The following BCCIP variants were observed in gnomAD, a reference collection of about 807,000 sequenced individuals.
BCCIP encodes BRCA2 and CDKN1A interacting protein, also known as BRCA2 and CDKN1A-interacting protein.
In BCCIP, 23 loss-of-function variants were observed where a neutral mutation model predicts 32.8. The ratio of observed to expected loss-of-function variants is 0.70; its 90% CI spans 0.51 to 0.99. BCCIP has a LOEUF of 0.99. Ranked by LOEUF, BCCIP falls within the 50% of genes least tolerant of loss-of-function variation. The pLI, the probability that BCCIP is intolerant of heterozygous loss-of-function variation, is 0.00. For missense variants in BCCIP, 378 were observed against 379.8 expected, an observed-to-expected ratio of 1.00 and a Z score of 0.04; for synonymous variants, 144 against 137.6, an observed-to-expected ratio of 1.05 and a Z score of -0.33.
chr10:125,826,568 A>C (rs1854392995), intron 1 of BCCIP, 23 bp from the exon 2 acceptor site: 2 of 1,612,368 alleles, frequency 1.2e-6, no homozygotes, highest in African/African-American at 2.7e-5. Context: ...TCTGGTAACA[A>C]CTATTTTGTG....
chr10:125,830,695 A>G, intron 4 of BCCIP, 44 bp downstream of exon 4: 1 of 1,206,762 alleles, frequency 8.3e-7, no homozygotes, highest in Non-Finnish European at 1.2e-6. Context: ...TTCTTAGGCC[A>G]AAACCACTTT....
At chr10:125,838,080 G>C (rs2134020717), downstream of BCCIP, 1 of 867,506 alleles carries the variant, frequency 1.2e-6, no homozygotes, top group South Asian at 2.0e-5. Flanking sequence ...AGTAGGTACT[G>C]TCAACGTAAA....
exon 8 of BCCIP, chr10:125,853,162 G>C: frequency 2.5e-6 from 4 of 1,612,826 alleles, no homozygotes; most frequent in African/African-American, 1.3e-5. Flanking sequence ...TGGTTTCTCT[G>C]AAGGCTGGAC....
At chr10:125,853,042 C>T in intron 7 of BCCIP, 1 of 1,027,124 alleles carries the variant, frequency 9.7e-7, no homozygotes, top group Admixed American at 2.3e-5. Flanking sequence ...GGTGGTCTCA[C>T]CTTTACAACA....
chr10:125,825,248 A>G (rs545443171), intron 1 of BCCIP, among the ~76,000 whole-genome samples: 17 of 152,362 alleles, frequency 1.1e-4, no homozygotes, highest in Middle Eastern at 3.4e-3. Context: ...GCCCATACCC[A>G]GGAAAAGGGT....
At chr10:125,847,837 GCATGTGCAGTT>G (rs989530801) in intron 7 of BCCIP, among the ~76,000 whole-genome samples, 1 of 152,060 alleles carries the variant, frequency 6.6e-6, no homozygotes, top group Non-Finnish European at 1.5e-5. Flanking sequence ...TAGATCCCTG[GCATGTGCAGTT>G]CATAATAGGG....
chr10:125,841,002 A>G (rs775306115), downstream of BCCIP: 9 of 1,592,146 alleles, frequency 5.7e-6, no homozygotes, highest in African/African-American at 1.4e-5. Flanking sequence ...TGGAGCTTCA[A>G]AATGAAAAAG....
chr10:125,853,425 A>T, exon 8 of BCCIP: 2 of 337,534 alleles, frequency 5.9e-6, no homozygotes, highest in Non-Finnish European at 1.1e-5. Flanking sequence ...CTAATTTTTA[A>T]TTTAAAAGTA....
exon 7 of BCCIP, chr10:125,842,239 C>T (rs1233591791): frequency 1.5e-5 from 5 of 325,310 alleles, no homozygotes; most frequent in Non-Finnish European, 2.8e-5. Flanking sequence ...GCCAGGGATC[C>T]AGGGAGACTA....
At chr10:125,832,114 A>G (rs1429744851) in intron 5 of BCCIP, among the ~76,000 whole-genome samples, 1 of 152,240 alleles carries the variant, frequency 6.6e-6, no homozygotes, top group Non-Finnish European at 1.5e-5. Flanking sequence ...AAATCTAGCA[A>G]ACTGAGTGTA....
intron 6 of BCCIP, among the ~76,000 whole-genome samples, chr10:125,835,151 A>G (rs1296802435): frequency 6.6e-6 from 1 of 151,750 alleles, no homozygotes; most frequent in Non-Finnish European, 1.5e-5. Flanking sequence ...AAAAATCTTG[A>G]AGTGTATCTC....
At chr10:125,849,247 G>A (rs765797241) in intron 7 of BCCIP, among the ~76,000 whole-genome samples, 4 of 152,128 alleles carry the variant, frequency 2.6e-5, no homozygotes, top group African/African-American at 4.8e-5. Context: ...CCATCTTTCC[G>A]CCTGCACTGT....
At position 125,836,508 on chromosome 10, in the gene BCCIP, T is replaced by C. The variant is rs923666207; in HGVS notation, c.*234T>C. ...GAAGAAGAAAAGCATGGAGTAGTAA[T>C]TTAAAGAACTCAATAAAAACTTCTA... On this transcript the variant is annotated 3_prime_UTR_variant, in exon 7 of 7. Transcript: ENST00000278100. The C allele has an allele frequency of 1.5e-5, 21 of 1,357,534 alleles. No individual in the cohort carries two copies. The highest frequency in any genetic ancestry group is 1.9e-5 in the Non-Finnish European group (20 of 1,042,180). The allele number at this position is 1,357,534 out of a possible 1,614,324, so 84.1% of individuals were successfully genotyped here. A position where few individuals can be genotyped will look rare whatever the true frequency, so the allele number is the denominator to read the frequency against.
At chr10:125,839,262 G>T, downstream of BCCIP, 1 of 1,493,300 alleles carries the variant, frequency 6.7e-7, no homozygotes, top group Non-Finnish European at 9.1e-7. Context: ...CCAGGCAGTT[G>T]CCATCTTTAA....
downstream of BCCIP, chr10:125,840,981 GA>G: frequency 1.2e-6 from 2 of 1,600,378 alleles, no homozygotes; most frequent in Non-Finnish European, 1.7e-6. Flanking sequence ...TGGCACATGT[GA>G]AAAGCAATTT....
chr10:125,825,997 G>C (rs187927472), intron 1 of BCCIP: 1 of 153,730 alleles, frequency 6.5e-6, no homozygotes, highest in African/African-American at 2.4e-5. Context: ...GCTGTTTCTC[G>C]GTTTCTTGCT....
At chr10:125,826,463 C>CA (rs1854390796) in intron 1 of BCCIP, 128 bp from the exon 2 acceptor site, 1 of 1,401,008 alleles carries the variant, frequency 7.1e-7, no homozygotes, top group Non-Finnish European at 9.5e-7. Flanking sequence ...GCTTTTGTGT[C>CA]ACCTGAAGAA....
At chr10:125,828,465 A>G (rs190915573) in intron 3 of BCCIP, among the ~76,000 whole-genome samples, 7 of 152,324 alleles carry the variant, frequency 4.6e-5, no homozygotes, top group Non-Finnish European at 5.9e-5. Flanking sequence ...GATGAGTAAT[A>G]TAAGTGGCAG....
downstream of BCCIP, among the ~76,000 whole-genome samples, chr10:125,846,261 C>T (rs1225716791): frequency 6.6e-6 from 1 of 152,162 alleles, no homozygotes; most frequent in Non-Finnish European, 1.5e-5. Flanking sequence ...ACCCTCATAC[C>T]ATTATAGAGA....
Sources: allele counts gnomAD v4.1 joint callset (sites outside exome capture counted in the v4.1 genomes callset), GRCh38; gene constraint gnomAD v4.1.1; transcripts MANE v1.5; gene names NCBI Gene and HGNC (gene_info 2026-07-23, HGNC 2026-07-21).